Variants in SIPA1L1 observed in about 807,000 individuals in gnomAD.
The protein encoded by SIPA1L1 is signal-induced proliferation-associated 1-like protein 1.
Under a neutral mutation model 162.7 loss-of-function variants are expected in SIPA1L1, and 26 were observed. That is an observed-to-expected ratio of 0.16 (90% CI 0.12 to 0.22). The LOEUF (loss-of-function observed/expected upper bound fraction) is 0.22, where lower values mean the gene tolerates loss of function less well. SIPA1L1 is among the 10% of genes least tolerant of loss of function. SIPA1L1 has a pLI of 1.00. For missense variants in SIPA1L1, 1,874 were observed against 2,241.0 expected, an observed-to-expected ratio of 0.84 and a Z score of 3.31; for synonymous variants, 829 against 837.4, an observed-to-expected ratio of 0.99 and a Z score of 0.17.
At chr14:71,651,333 A>G (rs888511273) in intron 8 of SIPA1L1, among the ~76,000 whole-genome samples, 2 of 152,080 alleles carry the variant, frequency 1.3e-5, no homozygotes, top group Middle Eastern at 3.2e-3. Context: ...GTCTATAGTA[A>G]TCTCTCTGAT....
chr14:71,408,670 G>A (rs2042196105), intron 2 of SIPA1L1, among the ~76,000 whole-genome samples: 1 of 152,016 alleles, frequency 6.6e-6, no homozygotes, highest in South Asian at 2.1e-4. Flanking sequence ...CCTGGTTTTG[G>A]AACTACACTT....
chr14:71,416,732 C>CACAT (rs898528636), intron 2 of SIPA1L1, among the ~76,000 whole-genome samples: 1 of 151,430 alleles, frequency 6.6e-6, no homozygotes, highest in Non-Finnish European at 1.5e-5. Context: ...CACACACACA[C>CACAT]ACACACACAC....
At chr14:71,671,035 T>C (rs2044467967) in intron 10 of SIPA1L1, 84 bp from the exon 11 acceptor site, 5 of 1,126,544 alleles carry the variant, frequency 4.4e-6, no homozygotes, top group Admixed American at 2.3e-5. Context: ...GAGGTACATC[T>C]TTGTCTTTGA....
intron 2 of SIPA1L1, among the ~76,000 whole-genome samples, chr14:71,511,459 AT>A (rs979297689): frequency 9.5e-5 from 14 of 147,448 alleles, no homozygotes; most frequent in South Asian, 2.2e-4. Context: ...TAAATTTTTT[AT>A]TTTTTTTTTG....
intron 11 of SIPA1L1, among the ~76,000 whole-genome samples, chr14:71,672,141 G>A (rs2044595991): frequency 6.6e-6 from 1 of 152,104 alleles, no homozygotes; most frequent in Non-Finnish European, 1.5e-5. Context: ...GTAACTTCAG[G>A]GAAGCCGTTG....
intron 2 of SIPA1L1, among the ~76,000 whole-genome samples, chr14:71,419,691 G>T (rs1407735246): frequency 6.6e-6 from 1 of 151,636 alleles, no homozygotes; most frequent in African/African-American, 2.4e-5. Flanking sequence ...TAGAGACGGG[G>T]TTTCACCTTG....
chr14:71,443,230 TTATA>T (rs1304605004), intron 2 of SIPA1L1, among the ~76,000 whole-genome samples: 1 of 152,158 alleles, frequency 6.6e-6, no homozygotes, highest in Non-Finnish European at 1.5e-5. Context: ...GAATTCCATT[TTATA>T]ATTTTGTAGT....
chr14:71,366,300 C>CT (rs1262052507), intron 2 of SIPA1L1, among the ~76,000 whole-genome samples: 1 of 152,132 alleles, frequency 6.6e-6, no homozygotes, highest in Non-Finnish European at 1.5e-5. Context: ...GCACTTTGAA[C>CT]TTTCACAGGA....
At chr14:71,336,310 C>A (rs1487655231) in intron 2 of SIPA1L1, among the ~76,000 whole-genome samples, 1 of 152,004 alleles carries the variant, frequency 6.6e-6, no homozygotes, top group Non-Finnish European at 1.5e-5. Flanking sequence ...TTTTCATTAC[C>A]CCGCAAAGAA....
chr14:71,341,901 C>T (rs572290262), intron 2 of SIPA1L1, among the ~76,000 whole-genome samples: 1 of 152,210 alleles, frequency 6.6e-6, no homozygotes, highest in Admixed American at 6.5e-5. Flanking sequence ...TTATCCAACC[C>T]ACTGTTGATG....
chr14:71,467,501 T>C (rs561905194), intron 2 of SIPA1L1, among the ~76,000 whole-genome samples: 34 of 152,216 alleles, frequency 2.2e-4, no homozygotes, highest in Non-Finnish European at 4.3e-4. Flanking sequence ...CTAAGCATTA[T>C]GTAGAAGCCT....
chr14:71,352,623 A>G (rs529932135), intron 2 of SIPA1L1, among the ~76,000 whole-genome samples: 3 of 152,336 alleles, frequency 2.0e-5, no homozygotes, highest in South Asian at 4.1e-4. Flanking sequence ...TCATGATACC[A>G]CAGTTTACTG....
At position 71,377,311 on chromosome 14, in the gene SIPA1L1, G is replaced by T. The variant is rs551553403; in HGVS notation, c.-465+56130G>T. 1.5e-4 allele frequency among the ~76,000 whole-genome samples: 22 copies of T among 151,584 alleles called. No individual in the cohort carries two copies. The highest frequency in any genetic ancestry group is 5.9e-5 in the Non-Finnish European group (4 of 67,854). On this transcript the variant is annotated intron_variant, in intron 2 of 23. Coordinates refer to ENST00000381232, the MANE Select transcript of SIPA1L1 (RefSeq NM_001386936.1). The surrounding 1 kb of genome is among the most constrained non-coding windows in gnomAD (Gnocchi z 4.8). ...CCACTTCTCAGACAGGGCGGCTGCC[G>T]GGTGGAGGGGCTCCTCAACTTCTCA...
chr14:71,348,395 G>A (rs1368085658), intron 2 of SIPA1L1, among the ~76,000 whole-genome samples: 1 of 152,100 alleles, frequency 6.6e-6, no homozygotes, highest in Admixed American at 6.5e-5. Context: ...GGTTTATCTT[G>A]CCTAACATGT....
intron 6 of SIPA1L1, 53 bp from the exon 7 acceptor site, chr14:71,623,995 T>C: frequency 6.7e-7 from 1 of 1,481,922 alleles, no homozygotes; most frequent in Non-Finnish European, 9.2e-7. Flanking sequence ...TGTACATGTG[T>C]TCAGGCATCT....
At chr14:71,372,443 A>T (rs2038980055) in intron 2 of SIPA1L1, among the ~76,000 whole-genome samples, 1 of 152,124 alleles carries the variant, frequency 6.6e-6, no homozygotes, top group Admixed American at 6.5e-5. Flanking sequence ...TTCCTCTTAG[A>T]GGAATTTACT....
chr14:71,498,388 C>A (rs144081475), intron 2 of SIPA1L1, among the ~76,000 whole-genome samples: 1 of 152,058 alleles, frequency 6.6e-6, no homozygotes, highest in Admixed American at 6.6e-5. Flanking sequence ...CACTTCCATT[C>A]GGTTTTTGGT....
At chr14:71,486,962 C>G (rs1449168421) in intron 2 of SIPA1L1, among the ~76,000 whole-genome samples, 3 of 152,148 alleles carry the variant, frequency 2.0e-5, no homozygotes, top group African/African-American at 7.2e-5. Flanking sequence ...AGAGGCCCTT[C>G]TTTAGATAGA....
chr14:71,386,071 A>T (rs1236128517), intron 2 of SIPA1L1, among the ~76,000 whole-genome samples: 1 of 152,102 alleles, frequency 6.6e-6, no homozygotes, highest in African/African-American at 2.4e-5. Context: ...TCAAATTCTT[A>T]ATGGCCACGT....
Sources: gnomAD v4.1 joint callset for allele counts (sites outside exome capture counted in the v4.1 genomes callset) on GRCh38, gnomAD v4.1.1 for gene constraint, Gnocchi (gnomAD v3.1) non-coding constraint, MANE v1.5 for transcripts, NCBI Gene and HGNC (gene_info 2026-07-23, HGNC 2026-07-21) for gene names.